DCDC1: variants seen among roughly 807,000 people sequenced by gnomAD.
The protein encoded by DCDC1 is doublecortin domain-containing protein 1.
Under a neutral mutation model 178.3 loss-of-function variants are expected in DCDC1, and 200 were observed. The ratio of observed to expected loss-of-function variants is 1.12; its 90% CI spans 1.00 to 1.26. DCDC1 has a LOEUF of 1.26. Among genes scored for constraint, DCDC1 ranks in the 50% most tolerant of loss-of-function variants. The pLI, the probability that DCDC1 is intolerant of heterozygous loss-of-function variation, is 0.00. For missense variants in DCDC1, 1,983 were observed against 1,749.2 expected (o/e 1.13, Z -2.38); for synonymous variants, 690 against 604.8 (o/e 1.14, Z -2.07).
intron 7 of DCDC1, among the ~76,000 whole-genome samples, chr11:31,270,282 T>C (rs1945462083): frequency 6.6e-6 from 1 of 152,212 alleles, no homozygotes. Context: ...CAAATTTAAG[T>C]ACTGTACATA....
At chr11:30,984,010 C>A (rs1256214624) in intron 20 of DCDC1, among the ~76,000 whole-genome samples, 6 of 152,102 alleles carry the variant, frequency 3.9e-5, no homozygotes, top group African/African-American at 1.4e-4. Flanking sequence ...TGGAGGAATG[C>A]CAGTCCTTTC....
At chr11:31,110,677 T>A (rs1198663460) in intron 11 of DCDC1, among the ~76,000 whole-genome samples, 1 of 151,020 alleles carries the variant, frequency 6.6e-6, no homozygotes, top group African/African-American at 2.4e-5. Context: ...GAGGAATCAC[T>A]GACCACAGCG....
intron 9 of DCDC1, among the ~76,000 whole-genome samples, chr11:31,216,476 G>A (rs990216697): frequency 1.4e-4 from 16 of 118,454 alleles, no homozygotes; most frequent in African/African-American, 4.5e-4. Context: ...TGCAAAAGGG[G>A]CAGATCTACA....
chr11:31,366,944 T>C (rs55728031), intron 1 of DCDC1, among the ~76,000 whole-genome samples: 3,112 of 152,342 alleles, frequency 0.02, 97 homozygotes, highest in African/African-American at 0.07. Context: ...GTTTCAGCTC[T>C]TTGATACTTG....
chr11:31,303,202 C>A (rs184701192), intron 6 of DCDC1, among the ~76,000 whole-genome samples: 1 of 152,158 alleles, frequency 6.6e-6, no homozygotes, highest in East Asian at 1.9e-4. Context: ...TTTTATCTTT[C>A]TCTGACCTGG....
intron 18 of DCDC1, among the ~76,000 whole-genome samples, chr11:31,074,896 T>G (rs546133810): frequency 2.6e-4 from 39 of 152,334 alleles, no homozygotes; most frequent in African/African-American, 8.2e-4. Context: ...AGCCTAAATT[T>G]TTTTTATAAT....
chr11:31,208,492 T>C (rs2136497731), intron 9 of DCDC1, among the ~76,000 whole-genome samples: 1 of 152,332 alleles, frequency 6.6e-6, no homozygotes, highest in Non-Finnish European at 1.5e-5. Context: ...CTTTGGAGGT[T>C]TGTCTGTCTC....
chr11:31,310,889 G>A (rs1948733094), intron 3 of DCDC1, among the ~76,000 whole-genome samples: 1 of 152,102 alleles, frequency 6.6e-6, no homozygotes, highest in South Asian at 2.1e-4. Context: ...AACCACTCCT[G>A]CAGGGCACAA....
intron 20 of DCDC1, among the ~76,000 whole-genome samples, chr11:31,042,486 T>C (rs1954528805): frequency 6.6e-6 from 1 of 152,104 alleles, no homozygotes; most frequent in South Asian, 2.1e-4. Flanking sequence ...TTTCTGTGAA[T>C]GGGTCCAAGT....
At chr11:30,948,772 T>C (rs1314617523) in intron 21 of DCDC1, among the ~76,000 whole-genome samples, 1 of 152,158 alleles carries the variant, frequency 6.6e-6, no homozygotes, top group Non-Finnish European at 1.5e-5. Context: ...CCCTATTTAA[T>C]AAATGGTGTT....
chr11:31,075,018 T>C (rs112365136), intron 18 of DCDC1, among the ~76,000 whole-genome samples: 18 of 152,300 alleles, frequency 1.2e-4, no homozygotes, highest in Admixed American at 6.5e-5. Context: ...ATGATATATA[T>C]TGCATCCATT....
chr11:31,271,287 T>C (rs1945530330), intron 7 of DCDC1, among the ~76,000 whole-genome samples: 1 of 152,238 alleles, frequency 6.6e-6, no homozygotes, highest in African/African-American at 2.4e-5. Context: ...ACTTATCCTT[T>C]CAATTATGTA....
intron 7 of DCDC1, among the ~76,000 whole-genome samples, chr11:31,274,859 C>T (rs1169613199): frequency 6.6e-6 from 1 of 152,032 alleles, no homozygotes. Flanking sequence ...TGCCACCATG[C>T]TAAGCTAATT....
intron 3 of DCDC1, chr11:31,314,321 A>C (rs1948937449): frequency 6.6e-6 from 1 of 152,220 alleles, no homozygotes; most frequent in African/African-American, 2.4e-5. Context: ...ACTTCCTTTA[A>C]AAATCTATTT....
At chr11:31,188,485 C>T (rs923744053) in intron 9 of DCDC1, among the ~76,000 whole-genome samples, 18 of 152,250 alleles carry the variant, frequency 1.2e-4, no homozygotes, top group Non-Finnish European at 2.2e-4. Context: ...CAAGGGCGTA[C>T]GTAAACAACT....
chr11:30,899,140 C>CA lies in DCDC1; in HGVS notation c.4765+400dup, dbSNP rs796228482. 4.9e-3 allele frequency among the ~76,000 whole-genome samples: 700 copies of CA among 142,234 alleles called. 6 individuals are homozygous for CA. Among genetic ancestry groups the CA allele is most frequent in the African/African-American group, 9.0e-3 (351 of 38,980 alleles). The allele number at this position is 142,234 out of a possible 152,430, so 93.3% of individuals were successfully genotyped here. On this transcript the variant is annotated intron_variant, in intron 34 of 38. Transcript: ENST00000684477. ...AAAAAAACAAAACAAAACAAAAAAA[C>CA]AAAAAAAAAAACTTCTTCCCCAGCA...
At chr11:30,984,814 G>A (rs1950561153) in intron 20 of DCDC1, among the ~76,000 whole-genome samples, 1 of 152,156 alleles carries the variant, frequency 6.6e-6, no homozygotes, top group South Asian at 2.1e-4. Context: ...CAAATGACAG[G>A]GGGAACCGCT....
chr11:30,944,532 T>G (rs549422609), intron 21 of DCDC1, among the ~76,000 whole-genome samples: 2 of 152,286 alleles, frequency 1.3e-5, no homozygotes, highest in African/African-American at 4.8e-5. Flanking sequence ...AACTGTTCAC[T>G]GAAATAGAGT....
chr11:31,263,215 G>T, intron 8 of DCDC1: 1 of 714,822 alleles, frequency 1.4e-6, no homozygotes, highest in Non-Finnish European at 2.1e-6. Flanking sequence ...AATTCCAGGT[G>T]AACTGGAAAT....
Sources: allele counts gnomAD v4.1 joint callset (sites outside exome capture counted in the v4.1 genomes callset), GRCh38; gene constraint gnomAD v4.1.1; transcripts MANE v1.5; gene names NCBI Gene and HGNC (gene_info 2026-07-23, HGNC 2026-07-21).